ADGRL3: variants seen among roughly 807,000 people sequenced by gnomAD.
The protein encoded by ADGRL3 is calcium-independent alpha-latrotoxin receptor 3.
Under a neutral mutation model 153.5 loss-of-function variants are expected in ADGRL3, and 62 were observed. The observed-to-expected ratio is 0.40, with a 90% CI of 0.33 to 0.50. The LOEUF is 0.50. ADGRL3 is among the 20% of genes least tolerant of loss of function. ADGRL3 has a pLI of 0.47. For synonymous variants in ADGRL3, 710 were observed against 672.5 expected, an observed-to-expected ratio of 1.06 and a Z score of -0.86; for missense variants, 1,641 against 1,859.4, an observed-to-expected ratio of 0.88 and a Z score of 2.16.
chr4:61,660,664 T>C (rs576427460), intron 5 of ADGRL3, among the ~76,000 whole-genome samples: 1 of 152,210 alleles, frequency 6.6e-6, no homozygotes, highest in African/African-American at 2.4e-5. Context: ...AATGACATAG[T>C]GATATAAAGA....
intron 19 of ADGRL3, among the ~76,000 whole-genome samples, chr4:61,992,180 AT>A (rs1403285766): frequency 6.6e-6 from 1 of 152,106 alleles, no homozygotes; most frequent in Non-Finnish European, 1.5e-5. Context: ...TTTCAGATAA[AT>A]TGTATTCTTC....
rs2098851810 is a variant in ADGRL3, at chr4:61,938,774, C to A, written c.2419+2729C>A. ...ACGTCTCCGCAATAAGCTAGGAAAGCAAATATATGTCCATTTTGTGTCTAT... is the reference window on the plus strand; with the variant it reads ...ACGTCTCCGCAATAAGCTAGGAAAGAAAATATATGTCCATTTTGTGTCTAT... On this transcript the variant is annotated intron_variant, in intron 15 of 26. Coordinates refer to ENST00000683033, the MANE Select transcript of ADGRL3 (RefSeq NM_001387552.1). Among the ~76,000 whole-genome samples the A allele has an allele frequency of 5.3e-5, 7 of 131,502 alleles. No homozygotes were observed. The Admixed American group carries it at 6.8e-4, about 13-fold the overall frequency. The allele number at this position is 131,502 out of a possible 152,430, so 86.3% of individuals were successfully genotyped here. A position where few individuals can be genotyped will look rare whatever the true frequency, so the allele number is the denominator to read the frequency against.
intron 2 of ADGRL3, among the ~76,000 whole-genome samples, chr4:61,460,851 C>T (rs1324378574): frequency 1.3e-5 from 2 of 152,010 alleles, no homozygotes; most frequent in African/African-American, 4.8e-5. Flanking sequence ...GGCAGATCAC[C>T]TGAGATCAGA....
intron 6 of ADGRL3, among the ~76,000 whole-genome samples, chr4:61,686,908 C>T (rs1221258807): frequency 6.6e-6 from 1 of 151,996 alleles, no homozygotes; most frequent in Non-Finnish European, 1.5e-5. Flanking sequence ...ATTCTTCTGT[C>T]TCTGGCTTAT....
intron 21 of ADGRL3, among the ~76,000 whole-genome samples, chr4:62,006,003 C>CACACACACACACAT (rs1230956055): frequency 2.4e-4 from 12 of 48,990 alleles, no homozygotes; most frequent in Admixed American, 5.8e-4. Context: ...CACACACACA[C>CACACACACACACAT]ATATATATAT....
intron 1 of ADGRL3, among the ~76,000 whole-genome samples, chr4:61,281,032 A>G (rs2093700338): frequency 6.6e-6 from 1 of 152,046 alleles, no homozygotes; most frequent in African/African-American, 2.4e-5. Context: ...GCTTCAAGTA[A>G]TTTCTGGTAT....
chr4:61,645,180 T>A (rs1165523971), intron 5 of ADGRL3, among the ~76,000 whole-genome samples: 1 of 152,228 alleles, frequency 6.6e-6, no homozygotes, highest in Non-Finnish European at 1.5e-5. Context: ...TATGTGTATC[T>A]CTGCACATGA....
At chr4:61,839,451 C>T (rs1581084275) in intron 9 of ADGRL3, among the ~76,000 whole-genome samples, 2 of 152,054 alleles carry the variant, frequency 1.3e-5, no homozygotes, top group South Asian at 2.1e-4. Context: ...TCACCTTGGC[C>T]TCCCAAAGTG....
intron 4 of ADGRL3, among the ~76,000 whole-genome samples, chr4:61,527,442 A>C (rs983529222): frequency 1.3e-5 from 2 of 152,162 alleles, no homozygotes; most frequent in African/African-American, 4.8e-5. Flanking sequence ...TACTTGTGTG[A>C]AACCTATTAT....
At chr4:61,623,083 T>C (rs1481542236) in intron 5 of ADGRL3, among the ~76,000 whole-genome samples, 1 of 152,156 alleles carries the variant, frequency 6.6e-6, no homozygotes, top group African/African-American at 2.4e-5. Context: ...GTGTTTGCCT[T>C]TATAACCAAG....
intron 2 of ADGRL3, among the ~76,000 whole-genome samples, chr4:61,486,221 G>A (rs546961392): frequency 1.3e-5 from 2 of 152,060 alleles, no homozygotes; most frequent in African/African-American, 2.4e-5. Context: ...TGGGATTACA[G>A]GTGTGAGCCA....
chr4:61,435,543 A>G (rs535142629), intron 2 of ADGRL3, among the ~76,000 whole-genome samples: 8 of 152,232 alleles, frequency 5.3e-5, no homozygotes, highest in African/African-American at 1.2e-4. Flanking sequence ...GTTTCTGTAT[A>G]TAGACTCAGC....
chr4:61,233,720 A>G (rs1206943847), intron 1 of ADGRL3, among the ~76,000 whole-genome samples: 4 of 151,938 alleles, frequency 2.6e-5, no homozygotes, highest in African/African-American at 9.7e-5. Context: ...TGTGTGTTCT[A>G]CAAGTTTTTA....
chr4:61,557,780 G>T (rs921080483), intron 4 of ADGRL3, among the ~76,000 whole-genome samples: 1 of 151,710 alleles, frequency 6.6e-6, no homozygotes, highest in Non-Finnish European at 1.5e-5. Flanking sequence ...CATTGATCAG[G>T]GTTTCAGTGT....
chr4:61,634,552 A>G (rs2093334150), intron 5 of ADGRL3, among the ~76,000 whole-genome samples: 1 of 152,176 alleles, frequency 6.6e-6, no homozygotes, highest in Non-Finnish European at 1.5e-5. Context: ...AAAAAATAAG[A>G]TGAAAACTTC....
intron 2 of ADGRL3, among the ~76,000 whole-genome samples, chr4:61,471,589 T>C (rs1168615701): frequency 6.6e-6 from 1 of 151,934 alleles, no homozygotes; most frequent in Non-Finnish European, 1.5e-5. Flanking sequence ...CTTTTAAGTG[T>C]CTTCTGAGGC....
chr4:61,761,089 G>A (rs1258774552), intron 8 of ADGRL3, among the ~76,000 whole-genome samples: 2 of 152,202 alleles, frequency 1.3e-5, no homozygotes, highest in Non-Finnish European at 2.9e-5. Context: ...ATCAATCTGG[G>A]TGATGCCAGC....
chr4:61,658,383 G>A (rs1178651947), intron 5 of ADGRL3, among the ~76,000 whole-genome samples: 1 of 152,054 alleles, frequency 6.6e-6, no homozygotes, highest in Non-Finnish European at 1.5e-5. Context: ...CATATAATCA[G>A]CTATATCAGT....
intron 9 of ADGRL3, among the ~76,000 whole-genome samples, chr4:61,871,202 C>T (rs1184685880): frequency 6.6e-6 from 1 of 151,594 alleles, no homozygotes; most frequent in Non-Finnish European, 1.5e-5. Context: ...GGCGTGAACC[C>T]AGGAGGCGGA....
Sources: allele counts gnomAD v4.1 joint callset (sites outside exome capture counted in the v4.1 genomes callset), GRCh38; gene constraint gnomAD v4.1.1; transcripts MANE v1.5; gene names NCBI Gene and HGNC (gene_info 2026-07-23, HGNC 2026-07-21).